ZP1: variants seen among roughly 807,000 people sequenced by gnomAD.
The protein encoded by ZP1 is zona pellucida sperm-binding protein 1.
A neutral mutation model predicts 67.4 loss-of-function variants in ZP1; 58 were observed. The observed-to-expected ratio is 0.86, with a 90% CI of 0.70 to 1.07. ZP1 has a LOEUF of 1.07. ZP1 is among the 50% of genes least tolerant of loss of function. The pLI, the probability that ZP1 is intolerant of heterozygous loss-of-function variation, is 0.00. For synonymous variants in ZP1, 333 were observed against 332.7 expected, an observed-to-expected ratio of 1.00 and a Z score of -0.01; for missense variants, 759 against 807.3, an observed-to-expected ratio of 0.94 and a Z score of 0.72.
intron 1 of ZP1, among the ~76,000 whole-genome samples, 191 bp from the exon 2 acceptor site, chr11:60,868,954 T>A (rs1855516235): frequency 6.6e-6 from 1 of 152,074 alleles, no homozygotes; most frequent in African/African-American, 2.4e-5. Flanking sequence ...GACCCTCCCA[T>A]CCCCTTACAG....
intron 6 of ZP1, 126 bp from the exon 7 acceptor site, chr11:60,873,036 C>T: frequency 9.4e-7 from 1 of 1,069,152 alleles, no homozygotes; most frequent in African/African-American, 1.6e-5. Context: ...GCTTAAGTAG[C>T]ATCCATCTGC....
Position 60,870,961 on chromosome 11 carries a change from T to C in ZP1, c.831T>C (p.Thr277=), listed in dbSNP as rs142110162. ...CCTCATCTGCCTTTGTCCCAGCTAC[T>C]GTCCAGTGCTTCAGAGATGGCTACT... is the stretch of plus-strand genomic sequence containing the variant. ...EVPCYYGNTA[T]VQCFRDGYFV... The change falls in exon 5 of 12, where the codon ACT becomes ACC. Residue 277 remains threonine (T), a synonymous_variant. Coordinates refer to ENST00000278853, the MANE Select transcript of ZP1 (RefSeq NM_207341.4). 13 of 1,613,198 alleles carry C rather than the reference T, an allele frequency of 8.1e-6. No individual in the cohort carries two copies. In the African/African-American group the frequency reaches 1.6e-4, roughly 20 times the overall value.
At chr11:60,872,301 G>T (rs989062858) in intron 6 of ZP1, among the ~76,000 whole-genome samples, 1 of 152,214 alleles carries the variant, frequency 6.6e-6, no homozygotes, top group African/African-American at 2.4e-5. Flanking sequence ...AGAGCTCTGG[G>T]AGTCAGCCAG....
chr11:60,872,999 G>A (rs1383496077), intron 6 of ZP1, 163 bp from the exon 7 acceptor site: 3 of 788,332 alleles, frequency 3.8e-6, no homozygotes, highest in Non-Finnish European at 5.9e-6. Context: ...TGAGCTTCCT[G>A]AGCCTGCCTT....
Position 60,873,181 on chromosome 11 carries a change from T to C in ZP1, c.1132T>C (p.Phe378Leu), listed in dbSNP as rs756787321. ...CTTCAGGCTTCATGTGCGCTGTGTC[T>C]TCAACGCCAGTGACTTCCTGCCCAT... ...STFQLHVRCV[F>L]NASDFLPIQA... is the part of the protein sequence containing the mutation. Residue 378 changes from phenylalanine to leucine, a missense_variant, in exon 7 of 12, where the codon TTC becomes CTC. By Grantham distance (22) the Phe-to-Leu change is conservative. Transcript: ENST00000278853. 6 of 1,600,258 alleles carry C rather than the reference T, an allele frequency of 3.7e-6. No homozygotes were observed. The highest frequency in any genetic ancestry group is 1.7e-4 in the Middle Eastern group (1 of 5,986).
Position 60,871,226 on chromosome 11 carries a change from G to A in ZP1, c.1024G>A (p.Asp342Asn), listed in dbSNP as rs372297696. ...CTGTCTCTTCCTACAGGTGGCTGGCGACCAGCTCATCTATGAGAACTGGCT... is the reference window on the plus strand; with the variant it reads ...CTGTCTCTTCCTACAGGTGGCTGGCAACCAGCTCATCTATGAGAACTGGCT... ...HCGTTMQVAG[D>N]QLIYENWLVS... The change falls in exon 6 of 12, where the codon GAC (aspartate) becomes AAC (asparagine). Residue 342 changes from aspartate to asparagine, a missense_variant. Transcript: ENST00000278853. 4.6e-5 allele frequency: 74 copies of A among 1,613,874 alleles called. No individual in the cohort carries two copies. Among genetic ancestry groups the A allele is most frequent in the African/African-American group, 1.1e-4 (8 of 74,942 alleles).
rs537042859 is a variant in ZP1 at position 60,872,236 on chromosome 11, T to C, written c.1112+922T>C. On this transcript the variant is annotated intron_variant, in intron 6 of 11. Transcript: ENST00000278853. ...TAATTTAAAAAAACCCATATGTTCT[T>C]ATGGCCAAGTGGTGGAGGACAAGTC... 2.9e-4 allele frequency among the ~76,000 whole-genome samples: 44 copies of C among 152,234 alleles called. No individual in the cohort carries two copies. In the South Asian group the frequency reaches 9.1e-3, roughly 32 times the overall value.
rs769994072 is a variant in ZP1, at chr11:60,871,087, C to A, written c.957C>A (p.His319Gln). 1.2e-6 allele frequency: 2 copies of A among 1,614,252 alleles called. No homozygotes were observed. The highest frequency in any genetic ancestry group is 1.7e-6 in the Non-Finnish European group (2 of 1,180,048). ...YAPTSCSPTQ[H>Q]TEAFVVFYFP... ...CCACCAGCTGCTCCCCAACACAGCA[C>A]ACGGAAGCTTTCGTGGTCTTCTACT... The change falls in exon 5 of 12, where the codon CAC becomes CAA. Residue 319 changes from histidine to glutamine, a missense_variant. His to Gln is a conservative substitution (Grantham distance 24, BLOSUM62 0). Transcript: ENST00000278853.
Position 60,873,794 on chromosome 11 carries a change from CGCATGCCT to C in ZP1, c.1572+21_1572+28del. ...AGGACTGGTAAGAAGCCCCGGCTGCCGCATGCCTGGTCCCATCTGTTAAGTGGGAGGAG... is the reference window on the plus strand; with the variant it reads ...AGGACTGGTAAGAAGCCCCGGCTGCCGGTCCCATCTGTTAAGTGGGAGGAG... On this transcript the variant is annotated intron_variant, in intron 9 of 11. Transcript: ENST00000278853. 6.2e-7 allele frequency: 1 copy of C among 1,612,514 alleles called. No individual in the cohort carries two copies.
In ZP1 at chr11:60,871,077, C is replaced by T; in HGVS notation, c.947C>T (p.Pro316Leu). 1 of 1,614,230 alleles carries T rather than the reference C, an allele frequency of 6.2e-7. No homozygotes were observed. The highest frequency in any genetic ancestry group is 1.1e-5 in the South Asian group (1 of 91,086). Residue 316 changes from proline to leucine, a missense_variant, in exon 5 of 12, where the codon CCA becomes CTA. Physicochemically the swap from Pro to Leu is moderately conservative, Grantham distance 98 (BLOSUM62 -3). Transcript: ENST00000278853. The part of the protein sequence containing the change: ...HLAYAPTSCS[P>L]TQHTEAFVVF... The stretch of plus-strand genomic sequence containing the variant: ...GCCTATGCCCCCACCAGCTGCTCCC[C>T]AACACAGCACACGGAAGCTTTCGTG...
At chr11:60,868,200 C>G (rs1855504904) in intron 1 of ZP1, among the ~76,000 whole-genome samples, 1 of 152,176 alleles carries the variant, frequency 6.6e-6, no homozygotes, top group African/African-American at 2.4e-5. Context: ...GTGTGTGCCA[C>G]CACGCCCAGC....
intron 2 of ZP1, 104 bp downstream of exon 2, chr11:60,869,370 G>A: frequency 1.3e-6 from 2 of 1,541,158 alleles, no homozygotes; most frequent in Non-Finnish European, 8.8e-7. Flanking sequence ...CCGAAGATCT[G>A]TTGAGCTGGT....
In ZP1 at chr11:60,873,298, T is replaced by G. The variant is rs1206019935; in HGVS notation, c.1240+9T>G. ...GCTGCGGATTGCCAAAGGTATGCTA[T>G]GCTATCCCTGCTCTCTTCTGGCCCC... On this transcript the variant is annotated intron_variant, in intron 7 of 11. Transcript: ENST00000278853. 6.3e-7 allele frequency: 1 copy of G among 1,582,510 alleles called. No homozygotes were observed. The highest frequency in any genetic ancestry group is 1.3e-5 in the African/African-American group (1 of 74,552).
chr11:60,869,112 A>G, intron 1 of ZP1, 33 bp from the exon 2 acceptor site: 1 of 1,613,670 alleles, frequency 6.2e-7, no homozygotes, highest in Non-Finnish European at 8.5e-7. Flanking sequence ...GCACCCTTCA[A>G]CATCCCTGGC....
In ZP1 at chr11:60,875,668, A is replaced by G; in HGVS notation, c.*12A>G. The G allele has an allele frequency of 6.2e-7, 1 of 1,612,944 alleles. No individual in the cohort carries two copies. Among genetic ancestry groups the G allele is most frequent in the Non-Finnish European group, 8.5e-7 (1 of 1,179,582 alleles). ...GCAACAGACAGTGAATGGGCCCAAT[A>G]AACAATCATTTCAAACCTACTGAAA... On this transcript the variant is annotated 3_prime_UTR_variant, in exon 12 of 12. Transcript: ENST00000278853.
Position 60,869,770 on chromosome 11 carries a change from C to G in ZP1, c.552C>G (p.Asp184Glu). Reference sequence around the variant, plus strand: ...GCCATGCCTTTCCCAGCCCACTGGACCCAGGGCACAGCTCTGTCCACCCAA... The same window carrying G: ...GCCATGCCTTTCCCAGCCCACTGGAGCCAGGGCACAGCTCTGTCCACCCAA... ...GSGHAFPSPLDPGHSSVHPTP... is the reference protein window; with the variant it reads ...GSGHAFPSPLEPGHSSVHPTP... Residue 184 changes from aspartate to glutamate, a missense_variant, in exon 3 of 12, where the codon GAC (aspartate) becomes GAG (glutamate). Asp to Glu is a conservative substitution (Grantham distance 45). Coordinates refer to ENST00000278853, the MANE Select transcript of ZP1 (RefSeq NM_207341.4). 1 of 1,614,116 alleles carries G rather than the reference C, an allele frequency of 6.2e-7. No individual in the cohort carries two copies. The highest frequency in any genetic ancestry group is 8.5e-7 in the Non-Finnish European group (1 of 1,179,994).
In ZP1 at chr11:60,871,145, G is replaced by C. The variant is rs746294952; in HGVS notation, c.1014+1G>C. On this transcript the variant is annotated splice_donor_variant, in intron 5 of 11. Transcript: ENST00000278853. LOFTEE classifies it high-confidence loss of function. Reference sequence around the variant, plus strand: ...CACCCACTGTGGAACCACAATGCAGGTAGGAGCCGGGACCACAGGCTGGGG... The same window carrying C: ...CACCCACTGTGGAACCACAATGCAGCTAGGAGCCGGGACCACAGGCTGGGG... 2.5e-6 allele frequency: 4 copies of C among 1,614,004 alleles called. No homozygotes were observed. Among genetic ancestry groups the C allele is most frequent in the Non-Finnish European group, 2.5e-6 (3 of 1,179,950 alleles).
rs916938789 is a variant in ZP1 at position 60,867,742 on chromosome 11, C to T, written c.181C>T (p.Arg61Cys). ...GTTCCCCAGGCCAGGCCAGACTCTC[C>T]GCTTCAAGGTGGTGGGTGAGTGCTG... ...LVFPRPGQTL[R>C]FKVVDEFGNR... The change falls in exon 1 of 12, where the codon CGC (arginine) becomes TGC (cysteine). Residue 61 changes from arginine (R) to cysteine (C), a missense_variant. Physicochemically the swap from Arg to Cys is radical, Grantham distance 180. Transcript: ENST00000278853. The T allele has an allele frequency of 3.7e-6, 6 of 1,613,700 alleles. No homozygotes were observed. The highest frequency in any genetic ancestry group is 2.7e-5 in the African/African-American group (2 of 75,050).
At chr11:60,873,020 A>C in intron 6 of ZP1, 142 bp from the exon 7 acceptor site, 1 of 910,116 alleles carries the variant, frequency 1.1e-6, no homozygotes, top group South Asian at 2.1e-5. Flanking sequence ...GGAAATGCTG[A>C]GTATTGCTTA....
Sources: allele counts gnomAD v4.1 joint callset (sites outside exome capture counted in the v4.1 genomes callset), GRCh38; gene constraint gnomAD v4.1.1; transcripts MANE v1.5; gene names NCBI Gene and HGNC (gene_info 2026-07-23, HGNC 2026-07-21).